The following PCDHGA4 variants were observed in gnomAD, a reference collection of about 807,000 sequenced individuals.
PCDHGA4 encodes the protein protocadherin gamma subfamily A, 4.
PCDHGA4 carries 38 observed loss-of-function variants against 54.6 expected under a neutral mutation model. The ratio of observed to expected loss-of-function variants is 0.70; its 90% CI spans 0.54 to 0.91. The LOEUF (loss-of-function observed/expected upper bound fraction) is 0.91. PCDHGA4 is among the 40% of genes least tolerant of loss of function. The probability of loss-of-function intolerance (pLI) is 0.00; values close to 1 mark genes in which losing one functional copy is unlikely to be tolerated. For missense variants in PCDHGA4, 1,298 were observed against 1,220.9 expected, an observed-to-expected ratio of 1.06 and a Z score of -0.94; for synonymous variants, 511 against 512.9, an observed-to-expected ratio of 1.00 and a Z score of 0.05.
At chr5:141,508,830 C>G (rs1320903059) in intron 3 of PCDHGA4, among the ~76,000 whole-genome samples, 2 of 152,150 alleles carry the variant, frequency 1.3e-5, no homozygotes, top group Non-Finnish European at 2.9e-5. Flanking sequence ...CTGGGCCCCC[C>G]TCCCCTACCC....
At position 141,357,420 on chromosome 5, in the gene PCDHGA4, T is replaced by C. The variant is rs754113080; in HGVS notation, c.2313T>C (p.Phe771=). ...TGGCAGGTGTGCCTGCCTCGCACTT[T>C]GTGGGCGTGGACGGGGTTCGGGCTT... ...SRLAGVPASH[F]VGVDGVRAFL... Residue 771 remains phenylalanine, a synonymous_variant, in exon 1 of 4, where the codon TTT becomes TTC. Transcript: ENST00000571252. 1.5e-5 allele frequency: 25 copies of C among 1,614,132 alleles called. No homozygotes were observed. In the East Asian group the frequency reaches 3.8e-4, roughly 24 times the overall value.
chr5:141,413,089 C>CTT, intron 1 of PCDHGA4: 1 of 1,401,124 alleles, frequency 7.1e-7, no homozygotes, highest in South Asian at 1.4e-5. Flanking sequence ...TACAGAGACA[C>CTT]CCTGAAGCCA....
intron 1 of PCDHGA4, among the ~76,000 whole-genome samples, chr5:141,433,697 CGTG>C (rs1176871032): frequency 6.6e-6 from 1 of 152,020 alleles, no homozygotes; most frequent in Non-Finnish European, 1.5e-5. Context: ...ATTAGCCGGG[CGTG>C]GTGGTGCATG....
chr5:141,470,297 T>A (rs2099227289), intron 1 of PCDHGA4, among the ~76,000 whole-genome samples: 2 of 152,348 alleles, frequency 1.3e-5, no homozygotes, highest in Admixed American at 1.3e-4. Flanking sequence ...TAACTGTTTT[T>A]ATTCCATTTT....
chr5:141,404,995 T>A (rs1561697585), intron 1 of PCDHGA4: 1 of 1,614,008 alleles, frequency 6.2e-7, no homozygotes, highest in Non-Finnish European at 8.5e-7. Context: ...TTCAGATCCC[T>A]GCAGACCTGG....
chr5:141,409,409 A>C, intron 1 of PCDHGA4: 4 of 1,614,046 alleles, frequency 2.5e-6, no homozygotes, highest in Non-Finnish European at 3.4e-6. Flanking sequence ...TAACTACTAC[A>C]AACTGGTGAC....
At chr5:141,359,554 T>C (rs1206775223) in intron 1 of PCDHGA4, among the ~76,000 whole-genome samples, 1 of 151,518 alleles carries the variant, frequency 6.6e-6, no homozygotes, top group Non-Finnish European at 1.5e-5. Flanking sequence ...AGGAAAGCTC[T>C]CTATGTACTG....
At chr5:141,365,720 A>G (rs758782408) in intron 1 of PCDHGA4, 17 of 1,613,732 alleles carry the variant, frequency 1.1e-5, no homozygotes, top group Non-Finnish European at 1.2e-5. Flanking sequence ...TGTCACAGAA[A>G]ACAATCCCAG....
intron 1 of PCDHGA4, chr5:141,383,737 T>TC: frequency 6.2e-7 from 1 of 1,613,998 alleles, no homozygotes; most frequent in Non-Finnish European, 8.5e-7. Flanking sequence ...AGTGACATAT[T>TC]CTTTTCGGAA....
intron 1 of PCDHGA4, among the ~76,000 whole-genome samples, chr5:141,492,084 G>C (rs979755390): frequency 2.0e-5 from 3 of 152,236 alleles, no homozygotes; most frequent in African/African-American, 7.2e-5. Flanking sequence ...GCTCCGGCAC[G>C]CTTCGCCGGT....
intron 1 of PCDHGA4, chr5:141,419,944 C>T (rs1375807568): frequency 6.2e-7 from 1 of 1,614,066 alleles, no homozygotes; most frequent in South Asian, 1.1e-5. Flanking sequence ...TGGTGGTGGC[C>T]TTGGCCTTGA....
intron 1 of PCDHGA4, chr5:141,361,685 A>G (rs1554077900): frequency 9.3e-6 from 15 of 1,613,570 alleles, no homozygotes; most frequent in Non-Finnish European, 1.2e-5. Context: ...GTGTTCGCGC[A>G]GCGCGCCTTC....
At chr5:141,435,446 G>C (rs889481920) in intron 1 of PCDHGA4, among the ~76,000 whole-genome samples, 5 of 152,060 alleles carry the variant, frequency 3.3e-5, no homozygotes, top group African/African-American at 2.4e-5. Context: ...TCATTAATAC[G>C]ATATCTGTAT....
rs2097424370 is a variant in PCDHGA4, at chr5:141,431,859, C to G, written c.2515-62948C>G. On this transcript the variant is annotated intron_variant, in intron 1 of 3. Coordinates refer to ENST00000571252, the MANE Select transcript of PCDHGA4 (RefSeq NM_018917.4). The surrounding 1 kb of genome is among the most constrained non-coding windows in gnomAD (Gnocchi z 4.8). ...AACTCTCCCAGAGGGACATTAATTG[C>G]CCTTTTAAATGTAAATGACCAAGAT... is the stretch of plus-strand genomic sequence containing the variant. The G allele has an allele frequency of 1.2e-6, 2 of 1,614,060 alleles. No individual in the cohort carries two copies. Among genetic ancestry groups the G allele is most frequent in the Middle Eastern group, 3.3e-4 (2 of 6,084 alleles).
rs749781059 is a variant in PCDHGA4 at position 141,477,983 on chromosome 5, C to G, written c.2515-16824C>G. On this transcript the variant is annotated intron_variant, in intron 1 of 3. Coordinates refer to ENST00000571252, the MANE Select transcript of PCDHGA4 (RefSeq NM_018917.4). This position sits in a 1 kb window ranked among gnomAD's most constrained non-coding sequence, Gnocchi z 4.9. ...TAACCAGAGCCTTTTTGCCATAGGG[C>G]TGCACACTGGTCAAATCAGTACTGC... The G allele has an allele frequency of 1.7e-5, 27 of 1,614,126 alleles. No homozygotes were observed. The highest frequency in any genetic ancestry group is 2.3e-5 in the Non-Finnish European group (27 of 1,180,024).
chr5:141,460,961 ATGTGTGTG>A (rs35821115), intron 1 of PCDHGA4, among the ~76,000 whole-genome samples: 11 of 144,552 alleles, frequency 7.6e-5, no homozygotes, highest in South Asian at 2.2e-4. Context: ...GTATATATAT[ATGTGTGTG>A]TGTGTGTGTG....
intron 1 of PCDHGA4, chr5:141,376,697 T>G (rs1773235579): frequency 1.5e-6 from 1 of 652,042 alleles, no homozygotes; most frequent in Non-Finnish European, 2.4e-6. Flanking sequence ...TTTTTTTTTT[T>G]GAGACGGAGT....
At chr5:141,416,011 G>A (rs2095982763) in intron 1 of PCDHGA4, 2 of 239,912 alleles carry the variant, frequency 8.3e-6, no homozygotes, top group Non-Finnish European at 7.8e-6. Flanking sequence ...GGTAAGAATA[G>A]GTAAGTATCA....
rs2099426122 is a variant in PCDHGA4 at position 141,477,960 on chromosome 5, A to C, written c.2515-16847A>C. On this transcript the variant is annotated intron_variant, in intron 1 of 3. Coordinates refer to ENST00000571252, the MANE Select transcript of PCDHGA4 (RefSeq NM_018917.4). This position sits in a 1 kb window ranked among gnomAD's most constrained non-coding sequence, Gnocchi z 4.9. ...TCCTACAGTCTCTTGGGATCCCCTAACCAGAGCCTTTTTGCCATAGGGCTG... is the reference window on the plus strand; with the variant it reads ...TCCTACAGTCTCTTGGGATCCCCTACCCAGAGCCTTTTTGCCATAGGGCTG... 1 of 1,613,952 alleles carries C rather than the reference A, an allele frequency of 6.2e-7. No individual in the cohort carries two copies. Among genetic ancestry groups the C allele is most frequent in the African/African-American group, 1.3e-5 (1 of 74,922 alleles).
Sources: gnomAD v4.1 joint callset for allele counts (sites outside exome capture counted in the v4.1 genomes callset) on GRCh38, gnomAD v4.1.1 for gene constraint, Gnocchi (gnomAD v3.1) non-coding constraint, MANE v1.5 for transcripts, NCBI Gene and HGNC (gene_info 2026-07-23, HGNC 2026-07-21) for gene names.